Variants in SCFD2 observed in about 807,000 individuals in gnomAD.
SCFD2 encodes the protein sec1 family domain-containing protein 2.
A neutral mutation model predicts 58.9 loss-of-function variants in SCFD2; 54 were observed. The observed-to-expected ratio is 0.92, with a 90% CI of 0.74 to 1.15. The LOEUF (loss-of-function observed/expected upper bound fraction) is 1.15, where lower values mean the gene tolerates loss of function less well. SCFD2 is among the 50% of genes most tolerant of loss of function. The probability of loss-of-function intolerance (pLI) is 0.00; values close to 1 mark genes in which losing one functional copy is unlikely to be tolerated. For missense variants in SCFD2, 805 were observed against 836.6 expected, an observed-to-expected ratio of 0.96 and a Z score of 0.47; for synonymous variants, 321 against 335.9, an observed-to-expected ratio of 0.96 and a Z score of 0.49.
intron 4 of SCFD2, among the ~76,000 whole-genome samples, chr4:53,190,730 T>G (rs1044192724): frequency 2.0e-5 from 3 of 152,212 alleles, no homozygotes; most frequent in African/African-American, 7.2e-5. Context: ...AAATAATAGA[T>G]GCTGAATAAA....
At chr4:52,933,299 CG>C (rs1720045566) in intron 5 of SCFD2, among the ~76,000 whole-genome samples, 1 of 152,094 alleles carries the variant, frequency 6.6e-6, no homozygotes, top group Non-Finnish European at 1.5e-5. Flanking sequence ...TTACCCGGCC[CG>C]ACCCCAGTCC....
At chr4:53,143,016 AT>A (rs1407553714) in intron 5 of SCFD2, among the ~76,000 whole-genome samples, 1 of 152,180 alleles carries the variant, frequency 6.6e-6, no homozygotes, top group African/African-American at 2.4e-5. Context: ...CAAATTCTTA[AT>A]TTTTAATCTT....
intron 4 of SCFD2, among the ~76,000 whole-genome samples, chr4:53,227,940 C>T (rs1441176077): frequency 6.6e-6 from 1 of 152,132 alleles, no homozygotes; most frequent in Admixed American, 6.6e-5. Context: ...CAAATAAGCT[C>T]TTCAATGTAG....
At chr4:53,147,571 C>G (rs1726370769) in intron 4 of SCFD2, among the ~76,000 whole-genome samples, 3 of 152,192 alleles carry the variant, frequency 2.0e-5, no homozygotes. Flanking sequence ...CACATGGTGA[C>G]AAGACACAAT....
intron 7 of SCFD2, 73 bp from the exon 8 acceptor site, chr4:52,885,939 C>T (rs1718730385): frequency 6.3e-7 from 1 of 1,579,938 alleles, no homozygotes; most frequent in African/African-American, 1.3e-5. Flanking sequence ...GTACCATCTT[C>T]ATTGTCCCTC....
chr4:53,109,708 G>C (rs1386142559), intron 5 of SCFD2, among the ~76,000 whole-genome samples: 2 of 151,906 alleles, frequency 1.3e-5, no homozygotes, highest in African/African-American at 4.8e-5. Context: ...CACTGCTCAA[G>C]GAAATAAGAG....
At chr4:53,207,531 TATATA>T in intron 4 of SCFD2, among the ~76,000 whole-genome samples, 1 of 10,716 alleles carries the variant, frequency 9.3e-5, no homozygotes, top group Non-Finnish European at 1.4e-4. Flanking sequence ...ATATAATATT[TATATA>T]TTATATATAT....
intron 5 of SCFD2, among the ~76,000 whole-genome samples, chr4:52,989,498 G>A (rs1324851713): frequency 6.6e-6 from 1 of 152,186 alleles, no homozygotes; most frequent in Admixed American, 6.5e-5. Context: ...AAGACACTCT[G>A]TAATTTTCCC....
At chr4:53,295,136 C>A (rs1417064638) in intron 3 of SCFD2, among the ~76,000 whole-genome samples, 1 of 152,050 alleles carries the variant, frequency 6.6e-6, no homozygotes, top group Admixed American at 6.6e-5. Flanking sequence ...TTTTTTGGTT[C>A]CATATAAAAT....
chr4:53,272,690 G>C (rs189002119), intron 4 of SCFD2, among the ~76,000 whole-genome samples: 4 of 151,694 alleles, frequency 2.6e-5, no homozygotes, highest in Non-Finnish European at 4.4e-5. Flanking sequence ...ATCACATACC[G>C]GGGCCTGTTG....
At chr4:53,024,884 C>T (rs1722435041) in intron 5 of SCFD2, among the ~76,000 whole-genome samples, 2 of 152,166 alleles carry the variant, frequency 1.3e-5, no homozygotes, top group South Asian at 4.1e-4. Flanking sequence ...TCCTTGGTAA[C>T]CTGAAGACAT....
At chr4:53,205,159 T>C (rs1728368111) in intron 4 of SCFD2, among the ~76,000 whole-genome samples, 2 of 152,082 alleles carry the variant, frequency 1.3e-5, no homozygotes, top group South Asian at 2.1e-4. Context: ...ATCTGCAGAA[T>C]GACAGTGAAA....
chr4:53,134,913 C>A (rs1725893059), intron 5 of SCFD2, among the ~76,000 whole-genome samples: 1 of 152,036 alleles, frequency 6.6e-6, no homozygotes, highest in Non-Finnish European at 1.5e-5. Flanking sequence ...TGTATTTAAC[C>A]CAAAACTGCC....
intron 1 of SCFD2, among the ~76,000 whole-genome samples, chr4:53,357,060 G>A (rs1734422139): frequency 6.6e-6 from 1 of 151,996 alleles, no homozygotes; most frequent in African/African-American, 2.4e-5. Flanking sequence ...TAACTGGAAG[G>A]ATTTGGATAT....
At chr4:53,108,196 C>T (rs925851692) in intron 5 of SCFD2, among the ~76,000 whole-genome samples, 1 of 152,060 alleles carries the variant, frequency 6.6e-6, no homozygotes, top group Non-Finnish European at 1.5e-5. Flanking sequence ...CACAATGTAC[C>T]AGAATCAACG....
chr4:52,884,227 G>A (rs1718683439), intron 8 of SCFD2, among the ~76,000 whole-genome samples: 1 of 152,236 alleles, frequency 6.6e-6, no homozygotes, highest in African/African-American at 2.4e-5. Context: ...AGATGGGGAT[G>A]TGGGTAGATA....
chr4:52,888,703 A>T (rs1718809675), intron 7 of SCFD2, among the ~76,000 whole-genome samples: 2 of 152,098 alleles, frequency 1.3e-5, no homozygotes, highest in African/African-American at 4.8e-5. Context: ...CAGATTTCTT[A>T]ATAGGTTCCC....
At chr4:53,266,920 A>G (rs1252912482) in intron 4 of SCFD2, among the ~76,000 whole-genome samples, 6 of 152,330 alleles carry the variant, frequency 3.9e-5, no homozygotes, top group South Asian at 2.1e-4. Context: ...TTTTAAGCAT[A>G]TAATATTATC....
intron 4 of SCFD2, among the ~76,000 whole-genome samples, chr4:53,234,603 C>T (rs1314128292): frequency 1.3e-5 from 2 of 152,088 alleles, no homozygotes; most frequent in African/African-American, 2.4e-5. Flanking sequence ...TGATACATTT[C>T]TTTGGAAAAT....
Sources: gnomAD v4.1 joint callset for allele counts (sites outside exome capture counted in the v4.1 genomes callset) on GRCh38, gnomAD v4.1.1 for gene constraint, MANE v1.5 for transcripts, NCBI Gene and HGNC (gene_info 2026-07-23, HGNC 2026-07-21) for gene names.